MCCC1: variants seen among roughly 807,000 people sequenced by gnomAD.
The protein encoded by MCCC1 is methylcrotonoyl-CoA carboxylase subunit alpha, mitochondrial.
In MCCC1, 64 loss-of-function variants were observed where a neutral mutation model predicts 83.8. That is an observed-to-expected ratio of 0.76 (90% confidence interval 0.62 to 0.94). The LOEUF (loss-of-function observed/expected upper bound fraction) is 0.94. Among genes scored for constraint, MCCC1 ranks in the 40% least tolerant of loss-of-function variants. The pLI, the probability that MCCC1 is intolerant of heterozygous loss-of-function variation, is 0.00. For missense variants in MCCC1, 807 were observed against 904.7 expected (o/e 0.89, Z 1.39); for synonymous variants, 322 against 315.4 (o/e 1.02, Z -0.22).
chr3:183,094,483 GGGATT>G, intron 2 of MCCC1, 71 bp downstream of exon 2: 1 of 1,365,400 alleles, frequency 7.3e-7, no homozygotes, highest in Non-Finnish European at 1.0e-6. Context: ...CATATATTAA[GGGATT>G]AAACATTTCC....
At chr3:183,095,548 C>CA (rs1718677686) in intron 1 of MCCC1, among the ~76,000 whole-genome samples, 1 of 152,176 alleles carries the variant, frequency 6.6e-6, no homozygotes, top group Admixed American at 6.5e-5. Context: ...CACTTTACAT[C>CA]AGTGTTTCTC....
At chr3:183,049,406 T>C (rs937407232) in intron 9 of MCCC1, among the ~76,000 whole-genome samples, 1 of 151,410 alleles carries the variant, frequency 6.6e-6, no homozygotes, top group Non-Finnish European at 1.5e-5. Context: ...CCATCTCTAC[T>C]AAAAAAATAT....
At chr3:183,099,020 T>G in intron 1 of MCCC1, 1 of 493,292 alleles carries the variant, frequency 2.0e-6, no homozygotes, top group Non-Finnish European at 3.7e-6. Context: ...ACCTAAGGGG[T>G]GCTGCGAAAG....
At chr3:183,053,677 C>T (rs1195674449) in intron 8 of MCCC1, among the ~76,000 whole-genome samples, 7 of 149,670 alleles carry the variant, frequency 4.7e-5, no homozygotes, top group African/African-American at 1.5e-4. Context: ...TGGTGGCAGG[C>T]GCCTGTAGTC....
At chr3:183,047,529 A>C (rs1714645166) in intron 9 of MCCC1, among the ~76,000 whole-genome samples, 1 of 152,230 alleles carries the variant, frequency 6.6e-6, no homozygotes, top group African/African-American at 2.4e-5. Context: ...GAATTATCAG[A>C]CACAGAAATT....
At chr3:183,079,600 C>T (rs902109216) in intron 4 of MCCC1, among the ~76,000 whole-genome samples, 30 of 152,182 alleles carry the variant, frequency 2.0e-4, no homozygotes, top group Non-Finnish European at 4.3e-4. Flanking sequence ...GTGGCTTTTC[C>T]AGGTACATGG....
chr3:183,084,306 G>GCC (rs1717731596), intron 4 of MCCC1, among the ~76,000 whole-genome samples: 1 of 152,032 alleles, frequency 6.6e-6, no homozygotes, highest in African/African-American at 2.4e-5. Context: ...AACCTTCTGT[G>GCC]CATTAGATGT....
At chr3:183,019,981 T>A (rs1381020392) in intron 17 of MCCC1, 149 bp downstream of exon 17, 1 of 641,858 alleles carries the variant, frequency 1.6e-6, no homozygotes, top group Non-Finnish European at 2.8e-6. Flanking sequence ...AATAAACAAT[T>A]TGAATCTGTA....
chr3:183,045,413 T>A lies in MCCC1; in HGVS notation c.1083A>T (p.Arg361Ser). ...TGTDLVEWQL[R>S]IAAGEKIPLS... ...TTTTTAATAGAAAAAATATTCTCAC[T>A]CTAAGCTGCCACTCCACCAAGTCAG... The change falls in exon 10 of 19, where the codon AGA becomes AGT. Residue 361 changes from arginine to serine, a missense_variant and splice_region_variant. Coordinates refer to ENST00000265594, the MANE Select transcript of MCCC1 (RefSeq NM_020166.5). 6.2e-7 allele frequency: 1 copy of A among 1,614,016 alleles called. No homozygotes were observed. Among genetic ancestry groups the A allele is most frequent in the Non-Finnish European group, 8.5e-7 (1 of 1,179,938 alleles).
intron 1 of MCCC1, among the ~76,000 whole-genome samples, chr3:183,114,417 GT>G (rs1423992463): frequency 6.6e-6 from 1 of 152,066 alleles, no homozygotes; most frequent in African/African-American, 2.4e-5. Flanking sequence ...TCATCTCAAA[GT>G]GTGGCGTTTT....
At chr3:183,050,585 A>G (rs1449430136) in intron 9 of MCCC1, among the ~76,000 whole-genome samples, 1 of 151,838 alleles carries the variant, frequency 6.6e-6, no homozygotes, top group Non-Finnish European at 1.5e-5. Context: ...ACGTGCCTGT[A>G]ATCCCAGCTA....
At position 183,099,445 on chromosome 3, in the gene MCCC1, C is replaced by A; in HGVS notation, c.-5G>T. ...CACCGCAGAGGCCGCCGCCATGTCC[C>A]TGGAGCCCGGCCACTCCGTGACTCC... On this transcript the variant is annotated 5_prime_UTR_variant, in exon 1 of 19. In the 5' UTR this introduces an upstream ATG that the reference lacks. Coordinates refer to ENST00000265594, the MANE Select transcript of MCCC1 (RefSeq NM_020166.5). 6.2e-7 allele frequency: 1 copy of A among 1,602,546 alleles called. No individual in the cohort carries two copies. Among genetic ancestry groups the A allele is most frequent in the African/African-American group, 1.3e-5 (1 of 74,694 alleles).
At chr3:183,091,078 A>T (rs775577516) in intron 3 of MCCC1, 26 of 456,284 alleles carry the variant, frequency 5.7e-5, no homozygotes, top group Admixed American at 2.6e-4. Flanking sequence ...GAATGAAGCG[A>T]AACAAGTTTG....
intron 14 of MCCC1, among the ~76,000 whole-genome samples, chr3:183,030,195 C>A (rs1375436084): frequency 6.6e-6 from 1 of 152,162 alleles, no homozygotes; most frequent in Non-Finnish European, 1.5e-5. Context: ...GTAGTCCCAG[C>A]TACTTGGGAG....
chr3:183,049,485 T>C (rs890994814), intron 9 of MCCC1, among the ~76,000 whole-genome samples: 4 of 151,398 alleles, frequency 2.6e-5, no homozygotes, highest in Admixed American at 1.3e-4. Flanking sequence ...GGCAGGAGAA[T>C]TGCTTGAACC....
At chr3:183,110,455 G>A (rs376790352) in intron 1 of MCCC1, among the ~76,000 whole-genome samples, 61 of 148,696 alleles carry the variant, frequency 4.1e-4, no homozygotes, top group African/African-American at 1.4e-3. Flanking sequence ...GTGCAGTGCC[G>A]CGATCTCAGC....
At chr3:183,057,739 G>A (rs1715530394) in intron 7 of MCCC1, among the ~76,000 whole-genome samples, 1 of 152,194 alleles carries the variant, frequency 6.6e-6, no homozygotes, top group African/African-American at 2.4e-5. Flanking sequence ...AGGCATGGTA[G>A]CACATGCTTG....
intron 11 of MCCC1, among the ~76,000 whole-genome samples, chr3:183,039,862 C>T (rs914423604): frequency 1.1e-4 from 16 of 151,848 alleles, no homozygotes; most frequent in African/African-American, 2.9e-4. Context: ...TTTGGGAGGC[C>T]GAGGTGGGCA....
intron 8 of MCCC1, among the ~76,000 whole-genome samples, chr3:183,057,032 A>G (rs188371483): frequency 1.8e-3 from 267 of 152,328 alleles, no homozygotes; most frequent in Middle Eastern, 6.8e-3. Context: ...AAACCTCACT[A>G]GACAGCTTTT....
Sources: gnomAD v4.1 joint callset for allele counts (sites outside exome capture counted in the v4.1 genomes callset) on GRCh38, gnomAD v4.1.1 for gene constraint, MANE v1.5 for transcripts, NCBI Gene and HGNC (gene_info 2026-07-23, HGNC 2026-07-21) for gene names.